KCNAB1: variants seen among roughly 807,000 people sequenced by gnomAD.
KCNAB1 encodes the protein voltage-gated potassium channel subunit beta-1.
In KCNAB1, 35 loss-of-function variants were observed where a neutral mutation model predicts 64.6. That is an observed-to-expected ratio of 0.54 (90% CI 0.41 to 0.72). The LOEUF (loss-of-function observed/expected upper bound fraction) is 0.72. Among genes scored for constraint, KCNAB1 ranks in the 30% least tolerant of loss-of-function variants. The probability of loss-of-function intolerance (pLI) is 0.00; values close to 1 mark genes in which losing one functional copy is unlikely to be tolerated. For synonymous variants in KCNAB1, 177 were observed against 183.8 expected, an observed-to-expected ratio of 0.96 and a Z score of 0.30; for missense variants, 401 against 512.9, an observed-to-expected ratio of 0.78 and a Z score of 2.11.
chr3:156,528,187 A>AG (rs1553759808), intron 12 of KCNAB1, among the ~76,000 whole-genome samples: 16 of 151,152 alleles, frequency 1.1e-4, no homozygotes, highest in South Asian at 4.2e-4. Context: ...AAAAAAAAAA[A>AG]AGAGAGAGAA....
At chr3:156,391,002 A>G (rs999671050) in intron 1 of KCNAB1, among the ~76,000 whole-genome samples, 1 of 152,178 alleles carries the variant, frequency 6.6e-6, no homozygotes, top group African/African-American at 2.4e-5. Context: ...ATTAAGTCAG[A>G]ACTCCAGTTT....
chr3:156,172,003 T>A (rs1371146799), intron 1 of KCNAB1, among the ~76,000 whole-genome samples: 2 of 152,234 alleles, frequency 1.3e-5, no homozygotes, highest in East Asian at 3.8e-4. Flanking sequence ...ACACACCTTC[T>A]AAATGCATTT....
At chr3:156,127,882 GGGGT>G (rs776002556) in intron 1 of KCNAB1, among the ~76,000 whole-genome samples, 2 of 72,284 alleles carry the variant, frequency 2.8e-5, no homozygotes, top group Non-Finnish European at 6.1e-5. Context: ...CTCTTCATTT[GGGGT>G]GTGTGTGTGT....
chr3:156,479,234 G>C (rs1335552011), intron 8 of KCNAB1, among the ~76,000 whole-genome samples: 1 of 152,098 alleles, frequency 6.6e-6, no homozygotes, highest in Non-Finnish European at 1.5e-5. Context: ...GTCACTGACA[G>C]TTCTTTATGC....
At chr3:156,356,695 G>T (rs554654677) in intron 1 of KCNAB1, among the ~76,000 whole-genome samples, 1 of 152,290 alleles carries the variant, frequency 6.6e-6, no homozygotes, top group African/African-American at 2.4e-5. Context: ...TTGGGGATTT[G>T]TCATCACTGG....
At chr3:156,524,974 G>A (rs1453568349) in intron 12 of KCNAB1, among the ~76,000 whole-genome samples, 1 of 152,030 alleles carries the variant, frequency 6.6e-6, no homozygotes, top group Non-Finnish European at 1.5e-5. Context: ...TGTGTTTGTG[G>A]TGATGCTGGT....
chr3:156,467,038 A>G (rs926156396), intron 7 of KCNAB1, among the ~76,000 whole-genome samples: 2 of 152,072 alleles, frequency 1.3e-5, no homozygotes, highest in East Asian at 1.9e-4. Flanking sequence ...AACCTACTAA[A>G]CATCATAGCT....
At chr3:156,369,019 G>A (rs1726134449) in intron 1 of KCNAB1, among the ~76,000 whole-genome samples, 1 of 152,068 alleles carries the variant, frequency 6.6e-6, no homozygotes, top group Admixed American at 6.6e-5. Context: ...TTTTTCATAT[G>A]CTCATGTAAC....
Position 156,413,647 on chromosome 3 carries a change from C to T in KCNAB1, c.276-7969C>T, listed in dbSNP as rs542920725. On this transcript the variant is annotated intron_variant, in intron 1 of 13. Coordinates refer to ENST00000490337, the MANE Select transcript of KCNAB1 (RefSeq NM_172160.3). ...ATTTCACCACTGCACTCAACTGCCC[C>T]GTGTCTTCTGGCAAACCACAGAGCC... is the stretch of plus-strand genomic sequence containing the variant. Among the ~76,000 whole-genome samples the T allele has an allele frequency of 5.9e-5, 9 of 152,310 alleles. No homozygotes were observed. The South Asian group carries it at 1.0e-3, about 18-fold the overall frequency.
chr3:156,426,824 C>T lies in KCNAB1; in HGVS notation c.319+5165C>T, dbSNP rs1022495486. Among the ~76,000 whole-genome samples, 7 of 152,226 alleles carry T rather than the reference C, an allele frequency of 4.6e-5. No homozygotes were observed. In the South Asian group the frequency reaches 1.5e-3, roughly 32 times the overall value. On this transcript the variant is annotated intron_variant, in intron 2 of 13. Transcript: ENST00000490337. The stretch of plus-strand genomic sequence containing the variant: ...TTTGATAGTTCATTTCTTTTTAGTG[C>T]TTCATACTACATTTTGGAAAAAAAA...
In KCNAB1 at chr3:156,514,419, C is replaced by A. The variant is rs573405214; in HGVS notation, c.714C>A (p.Gly238=). The A allele has an allele frequency of 1.2e-6, 2 of 1,614,016 alleles. No homozygotes were observed. Among genetic ancestry groups the A allele is most frequent in the South Asian group, 2.2e-5 (2 of 91,074 alleles). Residue 238 remains glycine, a synonymous_variant, in exon 9 of 14, where the codon GGC becomes GGA. Transcript: ENST00000490337. ...VINQGMAMYW[G]TSRWSAMEIM... ...ACCAAGGCATGGCGATGTACTGGGG[C>A]ACCTCGAGATGGAGTGCTATGGAGA...
intron 1 of KCNAB1, among the ~76,000 whole-genome samples, chr3:156,341,518 T>C (rs1724113949): frequency 6.6e-6 from 1 of 152,208 alleles, no homozygotes; most frequent in Non-Finnish European, 1.5e-5. Context: ...TTGCTACTGT[T>C]GTTCTCAGAG....
chr3:156,151,111 T>A (rs974732357), intron 1 of KCNAB1, among the ~76,000 whole-genome samples: 1 of 152,198 alleles, frequency 6.6e-6, no homozygotes, highest in Non-Finnish European at 1.5e-5. Context: ...TGGAGCAGAC[T>A]GGAACGTGTG....
intron 1 of KCNAB1, among the ~76,000 whole-genome samples, chr3:156,173,221 A>G (rs1021558209): frequency 6.6e-6 from 1 of 152,158 alleles, no homozygotes; most frequent in African/African-American, 2.4e-5. Flanking sequence ...TTGACTCAGC[A>G]CTTTTCTTCT....
chr3:156,141,911 T>G (rs962125897), intron 1 of KCNAB1, among the ~76,000 whole-genome samples: 3 of 152,248 alleles, frequency 2.0e-5, no homozygotes, highest in African/African-American at 7.2e-5. Context: ...TCTGAATCTT[T>G]GACAGCATTT....
chr3:156,474,729 C>G lies in KCNAB1; in HGVS notation c.572-5C>G, dbSNP rs746380149. The G allele has an allele frequency of 1.1e-5, 17 of 1,611,892 alleles. No homozygotes were observed. The highest frequency in any genetic ancestry group is 1.4e-5 in the Non-Finnish European group (16 of 1,178,424). ...TTGGGGTTTGTTTCCTGCTTCTGCT[C>G]CCAGGATTGAAGGGCTCCCTCCAGA... On this transcript the variant is annotated splice_region_variant and splice_polypyrimidine_tract_variant and intron_variant, in intron 7 of 13. Coordinates refer to ENST00000490337, the MANE Select transcript of KCNAB1 (RefSeq NM_172160.3).
chr3:156,435,546 G>A (rs901345036), intron 2 of KCNAB1, among the ~76,000 whole-genome samples: 1 of 152,214 alleles, frequency 6.6e-6, no homozygotes, highest in African/African-American at 2.4e-5. Context: ...TGAAAGGACA[G>A]TGAATCAATG....
chr3:156,353,257 TTC>T (rs1724971176), intron 1 of KCNAB1, among the ~76,000 whole-genome samples: 2 of 152,136 alleles, frequency 1.3e-5, no homozygotes, highest in Admixed American at 6.5e-5. Context: ...CCTTTTCCTT[TTC>T]TCTCTCCTTC....
chr3:156,155,325 T>C (rs1715653765), intron 1 of KCNAB1, among the ~76,000 whole-genome samples: 1 of 152,178 alleles, frequency 6.6e-6, no homozygotes. Context: ...TTAGGCTAAG[T>C]TCTCTGCTTT....
Sources: allele counts gnomAD v4.1 joint callset (sites outside exome capture counted in the v4.1 genomes callset), GRCh38; gene constraint gnomAD v4.1.1; transcripts MANE v1.5; gene names NCBI Gene and HGNC (gene_info 2026-07-23, HGNC 2026-07-21).